Variants in FAM13A observed in about 807,000 individuals in gnomAD.
The protein encoded by FAM13A is protein FAM13A.
A neutral mutation model predicts 129.6 loss-of-function variants in FAM13A; 76 were observed. The observed-to-expected ratio is 0.59, with a 90% CI of 0.49 to 0.71. The LOEUF (loss-of-function observed/expected upper bound fraction) is 0.71. Among genes scored for constraint, FAM13A ranks in the 30% least tolerant of loss-of-function variants. The pLI is 0.00. For synonymous variants in FAM13A, 443 were observed against 449.9 expected (o/e 0.98, Z 0.20); for missense variants, 1,108 against 1,249.3 (o/e 0.89, Z 1.70).
chr4:88,802,735 T>C (rs545461341), intron 8 of FAM13A, among the ~76,000 whole-genome samples: 28 of 152,290 alleles, frequency 1.8e-4, no homozygotes, highest in African/African-American at 6.5e-4. Flanking sequence ...CCTCCACTAG[T>C]GTGCACTGTG....
intron 23 of FAM13A, chr4:88,728,889 T>A: frequency 2.4e-6 from 1 of 422,220 alleles, no homozygotes; most frequent in African/African-American, 2.0e-5. Flanking sequence ...TAATCTGGCA[T>A]CCTGTATGAT....
At chr4:88,946,401 C>CTTTT (rs3067813) in intron 4 of FAM13A, among the ~76,000 whole-genome samples, 1,861 of 91,518 alleles carry the variant, frequency 0.02, 27 homozygotes, top group African/African-American at 0.025. Flanking sequence ...CTCCCGCGTT[C>CTTTT]TTTTTTTTTT....
rs570139583 is a variant in FAM13A at position 88,916,833 on chromosome 4, T to G, written c.760-10371A>C. The stretch of plus-strand genomic sequence containing the variant: ...TTCAAGAGTGTATCATAGTTTAATT[T>G]TTTTTTTCAGAATCTATCATCAGAT... On this transcript the variant is annotated intron_variant, in intron 5 of 23. Coordinates refer to ENST00000264344, the MANE Select transcript of FAM13A (RefSeq NM_014883.4). 4.6e-5 allele frequency among the ~76,000 whole-genome samples: 7 copies of G among 152,308 alleles called. No homozygotes were observed. In the South Asian group the frequency reaches 1.5e-3, roughly 32 times the overall value.
chr4:88,828,577 C>T (rs948442613), intron 7 of FAM13A, among the ~76,000 whole-genome samples: 1 of 152,146 alleles, frequency 6.6e-6, no homozygotes, highest in Admixed American at 6.5e-5. Flanking sequence ...TTTTCCACAA[C>T]AGGAACTGTA....
chr4:88,867,755 T>C (rs2150064100), intron 6 of FAM13A, among the ~76,000 whole-genome samples: 1 of 152,220 alleles, frequency 6.6e-6, no homozygotes, highest in East Asian at 1.9e-4. Flanking sequence ...AACAAATTTA[T>C]ATATAATTTC....
At chr4:88,791,581 T>C (rs1725163098) in intron 8 of FAM13A, among the ~76,000 whole-genome samples, 1 of 152,122 alleles carries the variant, frequency 6.6e-6, no homozygotes, top group Non-Finnish European at 1.5e-5. Flanking sequence ...TTTGAGACAA[T>C]CTTTAGTCGT....
At chr4:88,806,404 TGAAAAGA>T (rs1307704058) in intron 7 of FAM13A, among the ~76,000 whole-genome samples, 1 of 152,154 alleles carries the variant, frequency 6.6e-6, no homozygotes, top group Non-Finnish European at 1.5e-5. Context: ...GCATCATTCA[TGAAAAGA>T]GAAAAGTCTG....
At chr4:88,876,289 A>G (rs1052792017) in intron 6 of FAM13A, among the ~76,000 whole-genome samples, 7 of 152,170 alleles carry the variant, frequency 4.6e-5, no homozygotes, top group Admixed American at 4.6e-4. Flanking sequence ...TTAAAAGTAT[A>G]ATAATAATAA....
chr4:88,850,878 AGAGT>A, intron 7 of FAM13A, 138 bp downstream of exon 7: 1 of 661,012 alleles, frequency 1.5e-6, no homozygotes, highest in Non-Finnish European at 2.5e-6. Flanking sequence ...CTCAAAACAT[AGAGT>A]GAATTTTAAG....
chr4:89,053,899 A>T (rs1771905289), intron 1 of FAM13A, among the ~76,000 whole-genome samples: 1 of 152,204 alleles, frequency 6.6e-6, no homozygotes, highest in Non-Finnish European at 1.5e-5. Context: ...GAACAGCAGG[A>T]GAAGCAGAAA....
At chr4:88,752,199 A>G (rs1030021525) in intron 14 of FAM13A, among the ~76,000 whole-genome samples, 1 of 152,202 alleles carries the variant, frequency 6.6e-6, no homozygotes, top group Non-Finnish European at 1.5e-5. Flanking sequence ...AAAGCTGTCC[A>G]GGTGATGCTC....
chr4:89,026,091 T>C (rs913845412), intron 2 of FAM13A, among the ~76,000 whole-genome samples: 7 of 152,206 alleles, frequency 4.6e-5, no homozygotes, highest in African/African-American at 1.7e-4. Flanking sequence ...CAGAATACTA[T>C]TCTAGGTACC....
chr4:88,750,080 C>T (rs543063869), intron 15 of FAM13A, among the ~76,000 whole-genome samples, 171 bp from the exon 16 acceptor site: 2 of 152,278 alleles, frequency 1.3e-5, no homozygotes, highest in South Asian at 4.1e-4. Context: ...TCCATTGGAG[C>T]TTGGTATGTC....
chr4:88,804,867 C>A, intron 8 of FAM13A, 144 bp downstream of exon 8: 1 of 618,792 alleles, frequency 1.6e-6, no homozygotes, highest in South Asian at 2.0e-5. Context: ...GGGGAAAATA[C>A]AGTAAGGTGA....
At chr4:88,858,096 T>C (rs1039259421) in intron 6 of FAM13A, among the ~76,000 whole-genome samples, 8 of 152,220 alleles carry the variant, frequency 5.3e-5, no homozygotes, top group East Asian at 3.8e-4. Context: ...AAAAGAATTA[T>C]TAATGCATGA....
At chr4:88,991,477 C>A (rs1198475609) in intron 3 of FAM13A, among the ~76,000 whole-genome samples, 1 of 151,980 alleles carries the variant, frequency 6.6e-6, no homozygotes, top group Non-Finnish European at 1.5e-5. Context: ...GAATTACTAA[C>A]TTATGCAAGA....
intron 4 of FAM13A, among the ~76,000 whole-genome samples, chr4:88,959,842 G>T (rs1758344191): frequency 6.6e-6 from 1 of 152,138 alleles, no homozygotes; most frequent in African/African-American, 2.4e-5. Context: ...GCGGTAAGGG[G>T]GTGAGGGGAT....
In FAM13A at chr4:88,799,735, G is replaced by A. The variant is rs183899685; in HGVS notation, c.1049+5276C>T. The stretch of plus-strand genomic sequence containing the variant: ...CCTGACCTTGTGATCCACCCGCCTT[G>A]GCCTCCCAAAGTGCTGGGATTACAG... On this transcript the variant is annotated intron_variant, in intron 8 of 23. Transcript: ENST00000264344. Among the ~76,000 whole-genome samples the A allele has an allele frequency of 4.3e-3, 661 of 152,222 alleles. 3 individuals are homozygous for A. Among genetic ancestry groups the A allele is most frequent in the African/African-American group, 0.015 (639 of 41,544 alleles).
chr4:88,751,635 G>A (rs1373632950), intron 14 of FAM13A, among the ~76,000 whole-genome samples: 1 of 150,176 alleles, frequency 6.7e-6, no homozygotes, highest in Non-Finnish European at 1.5e-5. Context: ...AACACGCTCA[G>A]CACAAAATCT....
Sources: gnomAD v4.1 joint callset for allele counts (sites outside exome capture counted in the v4.1 genomes callset) on GRCh38, gnomAD v4.1.1 for gene constraint, MANE v1.5 for transcripts, NCBI Gene and HGNC (gene_info 2026-07-23, HGNC 2026-07-21) for gene names.